The following CEP135 variants were observed in gnomAD, a reference collection of about 807,000 sequenced individuals.
CEP135 encodes the protein centrosomal protein of 135 kDa.
In CEP135, 142 loss-of-function variants were observed where a neutral mutation model predicts 157.3. The observed-to-expected ratio is 0.90, with a 90% CI of 0.79 to 1.04. The LOEUF (loss-of-function observed/expected upper bound fraction) is 1.04, where lower values mean the gene tolerates loss of function less well. CEP135 is among the 50% of genes least tolerant of loss of function. CEP135 has a pLI of 0.00. For synonymous variants in CEP135, 396 were observed against 439.8 expected, an observed-to-expected ratio of 0.90 and a Z score of 1.25; for missense variants, 1,317 against 1,309.2, an observed-to-expected ratio of 1.01 and a Z score of -0.09.
In CEP135 at chr4:56,017,650, C is replaced by T. The variant is rs746947244; in HGVS notation, c.2805C>T (p.His935=). The T allele has an allele frequency of 5.0e-6, 8 of 1,587,172 alleles. No homozygotes were observed. Among genetic ancestry groups the T allele is most frequent in the Non-Finnish European group, 1.7e-6 (2 of 1,168,050 alleles). The change falls in exon 22 of 26, where the codon CAC becomes CAT. Residue 935 remains histidine (H), a splice_region_variant and synonymous_variant. Coordinates refer to ENST00000257287, the MANE Select transcript of CEP135 (RefSeq NM_025009.5). ...CTTGTTTCTTTTTCTTTTTTCAGCA[C>T]ATAAATGCCCATCATGCTTATGAAT... ...VELLEKEIQE[H]INAHHAYESQ...
At chr4:55,969,901 C>CT (rs1728971073) in intron 9 of CEP135, among the ~76,000 whole-genome samples, 1 of 152,054 alleles carries the variant, frequency 6.6e-6, no homozygotes, top group Non-Finnish European at 1.5e-5. Flanking sequence ...GAGACAGGGG[C>CT]TTGCCTTGTC....
chr4:55,986,622 T>C (rs758127534), intron 14 of CEP135, among the ~76,000 whole-genome samples: 3 of 152,158 alleles, frequency 2.0e-5, no homozygotes, highest in East Asian at 1.9e-4. Flanking sequence ...TCTCTGGAGA[T>C]AGGATTTTTA....
At chr4:56,018,009 G>A in intron 22 of CEP135, 152 bp downstream of exon 22, 2 of 667,838 alleles carry the variant, frequency 3.0e-6, no homozygotes, top group Non-Finnish European at 2.4e-6. Flanking sequence ...CGCTTAGGCT[G>A]GTGGAGTTCA....
intron 4 of CEP135, 123 bp from the exon 5 acceptor site, chr4:55,957,100 A>G (rs1367388670): frequency 3.1e-6 from 3 of 967,812 alleles, no homozygotes; most frequent in Admixed American, 2.5e-5. Context: ...TGGAGAAAAT[A>G]TTTTGTCAAT....
At position 56,031,374 on chromosome 4, in the gene CEP135, A is replaced by G. The variant is rs1195623721; in HGVS notation, c.*26A>G. 1 of 152,544 alleles carries G rather than the reference A, an allele frequency of 6.6e-6. No homozygotes were observed. The highest frequency in any genetic ancestry group is 1.5e-5 in the Non-Finnish European group (1 of 68,018). 9.4% of individuals were successfully genotyped at this position (152,544 alleles called of 1,614,324 possible). A position where few individuals can be genotyped will look rare whatever the true frequency, so the allele number is the denominator to read the frequency against. ...CTCCCTTTCAGAATAATGGCTTTCA[A>G]TGAGTTCCTATGTGGATTTTTAAAA... On this transcript the variant is annotated 3_prime_UTR_variant, in exon 26 of 26. Transcript: ENST00000257287.
chr4:55,951,983 A>G, intron 1 of CEP135, 103 bp from the exon 2 acceptor site: 1 of 490,616 alleles, frequency 2.0e-6, no homozygotes. Context: ...ACCTGAAGAA[A>G]AACAAAAAAT....
intron 15 of CEP135, 129 bp downstream of exon 15, chr4:55,992,214 C>CA (rs1281011236): frequency 6.9e-6 from 5 of 725,392 alleles, no homozygotes; most frequent in Admixed American, 3.9e-5. Context: ...GCAGTAGACT[C>CA]ACCTGGGAGC....
At chr4:55,986,494 A>G (rs1281527914) in intron 14 of CEP135, among the ~76,000 whole-genome samples, 1 of 152,180 alleles carries the variant, frequency 6.6e-6, no homozygotes, top group Non-Finnish European at 1.5e-5. Context: ...GTGAGCTGTG[A>G]TCACACCACT....
rs1577911875 is a variant in CEP135 at position 56,017,691 on chromosome 4, T to C, written c.2846T>C (p.Met949Thr). The C allele has an allele frequency of 1.9e-6, 3 of 1,613,742 alleles. No individual in the cohort carries two copies. The highest frequency in any genetic ancestry group is 2.5e-6 in the Non-Finnish European group (3 of 1,179,952). ...GCTTATGAATCTCAGATCTCATCAA[T>C]GGCAAAAGCCATGTCTCGATTAGAA... ...HHAYESQISS[M>T]AKAMSRLEEE... Residue 949 changes from methionine (M) to threonine (T), a missense_variant, in exon 22 of 26, where the codon ATG (methionine) becomes ACG (threonine). Coordinates refer to ENST00000257287, the MANE Select transcript of CEP135 (RefSeq NM_025009.5).
chr4:55,965,619 C>T, intron 7 of CEP135, 25 bp from the exon 8 acceptor site: 2 of 1,524,392 alleles, frequency 1.3e-6, no homozygotes, highest in Non-Finnish European at 1.8e-6. Context: ...ATTCATATAC[C>T]TCATAAATTA....
chr4:55,990,095 A>G (rs1729734841), intron 14 of CEP135, among the ~76,000 whole-genome samples: 1 of 151,968 alleles, frequency 6.6e-6, no homozygotes, highest in Non-Finnish European at 1.5e-5. Context: ...TCCTTTTGTT[A>G]GTAATTGACT....
intron 1 of CEP135, among the ~76,000 whole-genome samples, chr4:55,950,812 G>A (rs1230261230): frequency 6.6e-6 from 1 of 151,822 alleles, no homozygotes; most frequent in Non-Finnish European, 1.5e-5. Context: ...GAGTTTAAGT[G>A]TACTATTTGA....
intron 4 of CEP135, among the ~76,000 whole-genome samples, chr4:55,956,592 A>C (rs1329749393): frequency 6.6e-6 from 1 of 151,782 alleles, no homozygotes; most frequent in Non-Finnish European, 1.5e-5. Flanking sequence ...AGCTCATAAT[A>C]GTGAACACCA....
chr4:56,024,920 C>T (rs1731103914), intron 25 of CEP135, among the ~76,000 whole-genome samples: 1 of 151,498 alleles, frequency 6.6e-6, no homozygotes, highest in Admixed American at 6.6e-5. Flanking sequence ...GGAGGATCAC[C>T]TAAGGCTAGG....
chr4:56,024,554 G>A lies in CEP135; in HGVS notation c.3374G>A (p.Ser1125Asn). 1 of 1,613,876 alleles carries A rather than the reference G, an allele frequency of 6.2e-7. No individual in the cohort carries two copies. Among genetic ancestry groups the A allele is most frequent in the South Asian group, 1.1e-5 (1 of 91,074 alleles). ...RRHGLATPPL[S>N]STLRSPSHSP... ...CATGGTCTTGCTACACCACCCCTTA[G>A]TTCCACTCTGAGGTCTCCTTCACAT... The change falls in exon 25 of 26, where the codon AGT (serine) becomes AAT (asparagine). Residue 1125 changes from serine to asparagine, a missense_variant. Ser to Asn is a conservative substitution (Grantham distance 46, BLOSUM62 1). Coordinates refer to ENST00000257287, the MANE Select transcript of CEP135 (RefSeq NM_025009.5).
At chr4:56,018,675 A>C (rs1042860726) in intron 22 of CEP135, among the ~76,000 whole-genome samples, 4 of 151,860 alleles carry the variant, frequency 2.6e-5, no homozygotes, top group African/African-American at 9.7e-5. Context: ...GGGAAGGTTC[A>C]CTTGAGCCCA....
chr4:56,029,107 G>A (rs758071681), intron 25 of CEP135, among the ~76,000 whole-genome samples: 3 of 152,174 alleles, frequency 2.0e-5, no homozygotes, highest in Non-Finnish European at 4.4e-5. Flanking sequence ...CAGATTAACA[G>A]GCAAGTGGAA....
intron 21 of CEP135, among the ~76,000 whole-genome samples, chr4:56,015,555 A>G (rs1730743765): frequency 1.3e-5 from 2 of 152,178 alleles, no homozygotes; most frequent in East Asian, 3.8e-4. Context: ...GGCACAAATG[A>G]TTATTTTTGG....
intron 24 of CEP135, 58 bp downstream of exon 24, chr4:56,020,838 A>G: frequency 8.0e-7 from 1 of 1,244,342 alleles, no homozygotes; most frequent in Non-Finnish European, 1.2e-6. Context: ...ATTGTACTTC[A>G]GAAAGTATTT....
Sources: allele counts gnomAD v4.1 joint callset (sites outside exome capture counted in the v4.1 genomes callset), GRCh38; gene constraint gnomAD v4.1.1; transcripts MANE v1.5; gene names NCBI Gene and HGNC (gene_info 2026-07-23, HGNC 2026-07-21).